CCNL1: variants seen among roughly 807,000 people sequenced by gnomAD.
The protein encoded by CCNL1 is cyclin L1.
A neutral mutation model predicts 60.6 loss-of-function variants in CCNL1; 13 were observed. The observed-to-expected ratio is 0.21, with a 90% CI of 0.14 to 0.34. The LOEUF (loss-of-function observed/expected upper bound fraction) is 0.34, where lower values mean the gene tolerates loss of function less well. CCNL1 is among the 10% of genes least tolerant of loss of function. CCNL1 has a pLI of 1.00. For missense variants in CCNL1, 481 were observed against 664.3 expected (o/e 0.72, Z 3.03); for synonymous variants, 270 against 244.3 (o/e 1.10, Z -0.98).
chr3:157,143,953 T>TTGA, downstream of CCNL1, among the ~76,000 whole-genome samples: 2 of 152,214 alleles, frequency 1.3e-5, no homozygotes, highest in Non-Finnish European at 2.9e-5. Context: ...TAGATCATTT[T>TTGA]ACCTACTCTT....
At chr3:157,159,602 C>A in intron 1 of CCNL1, 123 bp from the exon 2 acceptor site, 1 of 1,060,506 alleles carries the variant, frequency 9.4e-7, no homozygotes, top group South Asian at 1.5e-5. Context: ...CTGCGAACAG[C>A]CCGCTGCCAA....
chr3:157,151,893 A>G (rs1480930209), intron 5 of CCNL1: 7 of 1,249,606 alleles, frequency 5.6e-6, no homozygotes, highest in Non-Finnish European at 7.1e-6. Flanking sequence ...GCTGAAGTGC[A>G]GAGGGCAGAG....
chr3:157,147,848 GCAGA>G lies in CCNL1; in HGVS notation c.*389_*392del, dbSNP rs1424321447. 2.0e-6 allele frequency: 2 copies of G among 990,786 alleles called. No homozygotes were observed. The highest frequency in any genetic ancestry group is 6.1e-5 in the Admixed American group (1 of 16,408). 61.4% of individuals were successfully genotyped at this position (990,786 alleles called of 1,614,324 possible). A position where few individuals can be genotyped will look rare whatever the true frequency, so the allele number is the denominator to read the frequency against. On this transcript the variant is annotated 3_prime_UTR_variant, in exon 11 of 11. Coordinates refer to ENST00000295926, the MANE Select transcript of CCNL1 (RefSeq NM_020307.4). ...TTTCCTTGTAAAAATCTTTACACAT[GCAGA>G]CAAACCAGTGTTAAGAAAGTATTCA...
At chr3:157,150,965 C>T (rs1738147875) in intron 5 of CCNL1, 8 of 984,716 alleles carry the variant, frequency 8.1e-6, no homozygotes, top group Non-Finnish European at 6.0e-6. Flanking sequence ...TTTTTTGTGA[C>T]TAGGTAAAAG....
At chr3:157,152,399 C>A in intron 4 of CCNL1, 158 bp from the exon 5 acceptor site, 1 of 1,324,442 alleles carries the variant, frequency 7.6e-7, no homozygotes, top group Non-Finnish European at 9.7e-7. Flanking sequence ...ATGTGAACTG[C>A]TACATGACTA....
chr3:157,158,631 G>C (rs1738810182), intron 3 of CCNL1: 1 of 386,590 alleles, frequency 2.6e-6, no homozygotes, highest in South Asian at 2.6e-5. Flanking sequence ...TCACAGCACT[G>C]TTAGGATTGT....
Position 157,149,529 on chromosome 3 carries a change from T to C in CCNL1, c.1089A>G (p.Lys363=). 1 of 1,614,034 alleles carries C rather than the reference T, an allele frequency of 6.2e-7. No individual in the cohort carries two copies. Among genetic ancestry groups the C allele is most frequent in the African/African-American group, 1.3e-5 (1 of 75,048 alleles). The change falls in exon 9 of 11, where the codon AAA becomes AAG. Residue 363 remains lysine, a synonymous_variant. Transcript: ENST00000295926. ...PISINVKTVK[K]EPEDRQQASK... is the part of the protein sequence containing the mutation. ...AAGCCTGTTGTCTATCCTCAGGTTCTTTTTTGACTGTCTTCACATTAATGG... is the reference window on the plus strand; with the variant it reads ...AAGCCTGTTGTCTATCCTCAGGTTCCTTTTTGACTGTCTTCACATTAATGG...
At chr3:157,159,368 T>G in intron 2 of CCNL1, 37 bp downstream of exon 2, 3 of 1,599,086 alleles carry the variant, frequency 1.9e-6, no homozygotes, top group Non-Finnish European at 2.6e-6. Flanking sequence ...CATTTCCGGA[T>G]GAAGAAATCC....
At chr3:157,146,523 T>A (rs967269342), downstream of CCNL1, 1 of 450,726 alleles carries the variant, frequency 2.2e-6, no homozygotes, top group African/African-American at 2.0e-5. Flanking sequence ...CTATTAAGAA[T>A]TTAATACTTG....
chr3:157,152,413 T>C, intron 4 of CCNL1, 172 bp from the exon 5 acceptor site: 3 of 1,295,956 alleles, frequency 2.3e-6, no homozygotes, highest in Non-Finnish European at 9.8e-7. Flanking sequence ...ATGACTAGAT[T>C]TTATATAAAT....
chr3:157,153,195 C>T (rs761548251), intron 3 of CCNL1, 39 bp from the exon 4 acceptor site: 62 of 1,577,356 alleles, frequency 3.9e-5, no homozygotes, highest in Non-Finnish European at 5.2e-5. Context: ...CTGTTTTGCA[C>T]ATCCAAAAAA....
chr3:157,147,777 A>T lies in CCNL1; in HGVS notation c.*464T>A. 1 of 979,370 alleles carries T rather than the reference A, an allele frequency of 1.0e-6. No individual in the cohort carries two copies. The highest frequency in any genetic ancestry group is 1.2e-6 in the Non-Finnish European group (1 of 824,194). 60.7% of individuals were successfully genotyped at this position (979,370 alleles called of 1,614,324 possible). On this transcript the variant is annotated 3_prime_UTR_variant, in exon 11 of 11. Coordinates refer to ENST00000295926, the MANE Select transcript of CCNL1 (RefSeq NM_020307.4). ...ATTTTCCTTTTTAATAATTTATTTA[A>T]ATAAGGTATTTGAAGCAGTTTAGAA...
downstream of CCNL1, among the ~76,000 whole-genome samples, chr3:157,145,599 G>C (rs73154632): frequency 7.7e-3 from 1,173 of 152,152 alleles, 4 homozygotes; most frequent in Non-Finnish European, 0.013. Flanking sequence ...AGATACAAAA[G>C]CCAGTGAGGT....
chr3:157,152,570 C>T, intron 4 of CCNL1: 1 of 1,081,800 alleles, frequency 9.2e-7, no homozygotes, highest in African/African-American at 1.7e-5. Flanking sequence ...GTAGTCCTGA[C>T]CCGGGTAACT....
At chr3:157,155,967 T>C (rs1399168620) in intron 3 of CCNL1, among the ~76,000 whole-genome samples, 1 of 152,244 alleles carries the variant, frequency 6.6e-6, no homozygotes, top group Non-Finnish European at 1.5e-5. Flanking sequence ...AGAATTATTT[T>C]CAGCTTTAGA....
intron 3 of CCNL1, chr3:157,156,813 T>G: frequency 1.4e-6 from 1 of 728,550 alleles, no homozygotes; most frequent in South Asian, 1.8e-5. Context: ...TGATAGTACT[T>G]TCTAATGACA....
chr3:157,159,828 G>A lies in CCNL1; in HGVS notation c.267C>T (p.Leu89=), dbSNP rs915037679. The change falls in exon 1 of 11, where the codon CTC becomes CTT. Residue 89 remains leucine, a synonymous_variant. Transcript: ENST00000295926. ...GGAGGAGAATGCCGGCGGCCTGGAT[G>A]AGCTCGCAGCCCAGGATGCGTAAGT... is the stretch of plus-strand genomic sequence containing the variant. The part of the protein sequence containing the change: ...ETDLRILGCE[L]IQAAGILLRL... The A allele has an allele frequency of 6.5e-6, 10 of 1,545,566 alleles. No homozygotes were observed. The highest frequency in any genetic ancestry group is 2.7e-5 in the African/African-American group (2 of 73,092).
chr3:157,150,156 G>A lies in CCNL1; in HGVS notation c.788C>T (p.Thr263Ile), dbSNP rs1738067596. 1.2e-6 allele frequency: 2 copies of A among 1,611,910 alleles called. No individual in the cohort carries two copies. The highest frequency in any genetic ancestry group is 3.4e-5 in the Admixed American group (2 of 59,376). Residue 263 changes from threonine (T) to isoleucine (I), a missense_variant, in exon 7 of 11, where the codon ACT becomes ATT. Coordinates refer to ENST00000295926, the MANE Select transcript of CCNL1 (RefSeq NM_020307.4). ...AARALQIPLP[T>I]RPHWFLLFGT... ...AAAAAGAAGAAACCAATGGGGACGA[G>A]TTGGCAACGGAATCTAAACCATAAG...
At chr3:157,151,388 A>G in intron 5 of CCNL1, 1 of 985,890 alleles carries the variant, frequency 1.0e-6, no homozygotes, top group Non-Finnish European at 1.2e-6. Context: ...CAAATCACAC[A>G]TCTGCATCTC....
Sources: allele counts gnomAD v4.1 joint callset (sites outside exome capture counted in the v4.1 genomes callset), GRCh38; gene constraint gnomAD v4.1.1; transcripts MANE v1.5; gene names NCBI Gene and HGNC (gene_info 2026-07-23, HGNC 2026-07-21).